The following SLC35F3 variants were observed in gnomAD, a reference collection of about 807,000 sequenced individuals.
The protein encoded by SLC35F3 is solute carrier family 35 member F3.
In SLC35F3, 25 loss-of-function variants were observed where a neutral mutation model predicts 49.9. That is an observed-to-expected ratio of 0.50 (90% CI 0.37 to 0.70). The LOEUF is 0.70. Ranked by LOEUF, SLC35F3 falls within the 30% of genes least tolerant of loss-of-function variation. The probability of loss-of-function intolerance (pLI) is 0.00; values close to 1 mark genes in which losing one functional copy is unlikely to be tolerated. For synonymous variants in SLC35F3, 275 were observed against 265.4 expected (o/e 1.04, Z -0.35); for missense variants, 525 against 639.8 (o/e 0.82, Z 1.94).
rs1001883165 is a variant in SLC35F3 at position 234,324,021 on chromosome 1, A to T, written c.*778A>T. ...GTAAAAATCTTTAGAAACAAATAAA[A>T]CTCTCTATATATGTGTATGTCTGTG... On this transcript the variant is annotated 3_prime_UTR_variant, in exon 8 of 8. Transcript: ENST00000366618. 3 of 152,160 alleles carry T rather than the reference A, an allele frequency of 2.0e-5. No individual in the cohort carries two copies. The highest frequency in any genetic ancestry group is 7.2e-5 in the African/African-American group (3 of 41,412). The allele number at this position is 152,160 out of a possible 1,614,324, so 9.4% of individuals were successfully genotyped here. A position where few individuals can be genotyped will look rare whatever the true frequency, so the allele number is the denominator to read the frequency against.
intron 2 of SLC35F3, among the ~76,000 whole-genome samples, chr1:233,961,435 T>C (rs1289560700): frequency 2.0e-5 from 3 of 150,434 alleles, no homozygotes; most frequent in Non-Finnish European, 4.4e-5. Context: ...TCATTTCAGC[T>C]TTCTTTTTTT....
rs1172056698 is a variant in SLC35F3, at chr1:234,234,309, A to G, written c.608+2568A>G. Among the ~76,000 whole-genome samples, 3 of 152,064 alleles carry G rather than the reference A, an allele frequency of 2.0e-5. No individual in the cohort carries two copies. In the East Asian group the frequency reaches 5.8e-4, roughly 29 times the overall value. ...CTTTTCTTGCAGTTATCAGGAGGCA[A>G]TCAGATGGAAGCTTCTTTTCTCTAA... On this transcript the variant is annotated intron_variant, in intron 3 of 7. Coordinates refer to ENST00000366618, the MANE Select transcript of SLC35F3 (RefSeq NM_173508.4).
At position 233,911,988 on chromosome 1, in the gene SLC35F3, A is replaced by G. The variant is rs555297235; in HGVS notation, c.283+6230A>G. Among the ~76,000 whole-genome samples the G allele has an allele frequency of 4.6e-5, 7 of 152,332 alleles. 1 individual carries two copies. Among genetic ancestry groups the G allele is most frequent in the South Asian group, 2.1e-4 (1 of 4,822 alleles). ...TTTCCTTAAGCAGCTGGAAACATTC[A>G]GGTTAGTTGCATTCAAACATAAATC... is the stretch of plus-strand genomic sequence containing the variant. On this transcript the variant is annotated intron_variant, in intron 2 of 7. Coordinates refer to ENST00000366618, the MANE Select transcript of SLC35F3 (RefSeq NM_173508.4).
chr1:234,180,170 C>T (rs1395988563), intron 2 of SLC35F3, among the ~76,000 whole-genome samples: 4 of 152,188 alleles, frequency 2.6e-5, no homozygotes, highest in Non-Finnish European at 5.9e-5. Context: ...AGGTGAGCCT[C>T]AGGTGGTCAT....
chr1:234,291,886 C>T (rs976039133), intron 3 of SLC35F3, among the ~76,000 whole-genome samples: 1 of 152,168 alleles, frequency 6.6e-6, no homozygotes, highest in Non-Finnish European at 1.5e-5. Flanking sequence ...CTAGTGATGT[C>T]CTTGGTGTGC....
chr1:234,194,383 G>C (rs1425892807), intron 2 of SLC35F3, among the ~76,000 whole-genome samples: 1 of 152,172 alleles, frequency 6.6e-6, no homozygotes, highest in Non-Finnish European at 1.5e-5. Flanking sequence ...CTCATAAGTG[G>C]GAGCTAAGCA....
chr1:234,169,089 C>G (rs992321922), intron 2 of SLC35F3, among the ~76,000 whole-genome samples: 1 of 152,140 alleles, frequency 6.6e-6, no homozygotes, highest in Non-Finnish European at 1.5e-5. Context: ...GAATCAGGAC[C>G]CCCAGTGGCT....
intron 3 of SLC35F3, among the ~76,000 whole-genome samples, chr1:234,245,248 A>G (rs933696931): frequency 6.6e-6 from 1 of 152,210 alleles, no homozygotes; most frequent in African/African-American, 2.4e-5. Flanking sequence ...GATTATTTCA[A>G]TTAACAGAAT....
intron 2 of SLC35F3, among the ~76,000 whole-genome samples, chr1:234,090,966 C>G (rs932411150): frequency 6.6e-6 from 1 of 152,210 alleles, no homozygotes; most frequent in Non-Finnish European, 1.5e-5. Context: ...AACATATTTT[C>G]TTCAAGGGTT....
At chr1:234,070,479 T>TA (rs1220068990) in intron 2 of SLC35F3, among the ~76,000 whole-genome samples, 3 of 152,250 alleles carry the variant, frequency 2.0e-5, no homozygotes, top group African/African-American at 7.2e-5. Context: ...TTAAAGTATG[T>TA]ATTCCAAGTA....
At chr1:233,978,805 G>A (rs1053125573) in intron 2 of SLC35F3, among the ~76,000 whole-genome samples, 5 of 152,098 alleles carry the variant, frequency 3.3e-5, no homozygotes, top group East Asian at 1.9e-4. Context: ...CGAGGCGGGC[G>A]GATCACCTGA....
At chr1:234,208,638 G>A (rs761462213) in intron 2 of SLC35F3, among the ~76,000 whole-genome samples, 3 of 152,104 alleles carry the variant, frequency 2.0e-5, no homozygotes, top group Admixed American at 6.6e-5. Flanking sequence ...CTTTCGCTGT[G>A]GTTTGCATGT....
chr1:234,168,319 C>T lies in SLC35F3; in HGVS notation c.284-63098C>T, dbSNP rs188229810. 7.5e-3 allele frequency among the ~76,000 whole-genome samples: 1,145 copies of T among 152,354 alleles called. 8 individuals are homozygous for T. Among genetic ancestry groups the T allele is most frequent in the Non-Finnish European group, 0.011 (760 of 68,032 alleles). On this transcript the variant is annotated intron_variant, in intron 2 of 7. Transcript: ENST00000366618. ...TGGCCGGGGTACTCCCCCAGGGGTC[C>T]GTGCAACTGGATGGCCTTCAGATCC... is the stretch of plus-strand genomic sequence containing the variant.
At chr1:234,313,760 C>G (rs148866659) in intron 4 of SLC35F3, among the ~76,000 whole-genome samples, 36 of 152,310 alleles carry the variant, frequency 2.4e-4, no homozygotes, top group African/African-American at 8.7e-4. Context: ...GCGGACTTGA[C>G]TGGCCTTCCT....
At chr1:234,071,346 T>C (rs892302835) in intron 2 of SLC35F3, among the ~76,000 whole-genome samples, 1 of 152,222 alleles carries the variant, frequency 6.6e-6, no homozygotes, top group Admixed American at 6.5e-5. Flanking sequence ...ATCATCATGG[T>C]GCTTCTTTTA....
chr1:234,253,322 T>C (rs1667766558), intron 3 of SLC35F3, among the ~76,000 whole-genome samples: 1 of 150,980 alleles, frequency 6.6e-6, no homozygotes, highest in African/African-American at 2.4e-5. Context: ...GCAAAAAAAC[T>C]TCATCTCAAA....
chr1:233,953,557 C>CAGT (rs1662644522), intron 2 of SLC35F3, among the ~76,000 whole-genome samples: 2 of 152,198 alleles, frequency 1.3e-5, no homozygotes, highest in African/African-American at 4.8e-5. Flanking sequence ...TGTCAACTCT[C>CAGT]CGTCATAGCT....
At chr1:234,309,358 T>G in intron 4 of SLC35F3, 38 bp downstream of exon 4, 1 of 1,591,624 alleles carries the variant, frequency 6.3e-7, no homozygotes, top group Non-Finnish European at 8.6e-7. Flanking sequence ...CCTCACTCAG[T>G]CATGTCAACC....
At chr1:233,947,393 G>A (rs960174061) in intron 2 of SLC35F3, among the ~76,000 whole-genome samples, 1 of 151,922 alleles carries the variant, frequency 6.6e-6, no homozygotes, top group African/African-American at 2.4e-5. Flanking sequence ...TGTGTAGCAA[G>A]ATGATTTATT....
Sources: allele counts gnomAD v4.1 joint callset (sites outside exome capture counted in the v4.1 genomes callset), GRCh38; gene constraint gnomAD v4.1.1; transcripts MANE v1.5; gene names NCBI Gene and HGNC (gene_info 2026-07-23, HGNC 2026-07-21).